DLEU7: variants seen among roughly 807,000 people sequenced by gnomAD.
The protein encoded by DLEU7 is deleted in lymphocytic leukemia 7.
Under a neutral mutation model 16.0 loss-of-function variants are expected in DLEU7, and 17 were observed. The ratio of observed to expected loss-of-function variants is 1.06; its 90% CI spans 0.73 to 1.59. DLEU7 has a LOEUF of 1.59. DLEU7 is among the 40% of genes most tolerant of loss of function. The probability of loss-of-function intolerance (pLI) is 0.00; values close to 1 mark genes in which losing one functional copy is unlikely to be tolerated. For synonymous variants in DLEU7, 113 were observed against 139.8 expected (o/e 0.81, Z 1.35); for missense variants, 308 against 314.9 (o/e 0.98, Z 0.17).
At chr13:50,813,125 T>C (rs952949838) in intron 1 of DLEU7, 4 of 152,152 alleles carry the variant, frequency 2.6e-5, no homozygotes, top group Non-Finnish European at 4.4e-5. Flanking sequence ...TTCTGACTAA[T>C]GCATGGATAC....
intron 1 of DLEU7, among the ~76,000 whole-genome samples, chr13:50,790,661 G>A (rs1436330166): frequency 6.6e-6 from 1 of 152,056 alleles, no homozygotes; most frequent in African/African-American, 2.4e-5. Context: ...CGAGGGGTGT[G>A]GGGTGGGCGG....
chr13:50,730,444 T>C (rs1275142521), intron 1 of DLEU7, among the ~76,000 whole-genome samples: 1 of 152,146 alleles, frequency 6.6e-6, no homozygotes, highest in African/African-American at 2.4e-5. Context: ...TGGTTAAATA[T>C]TTTGAGTAAG....
chr13:50,738,962 T>TAC (rs55722607), intron 1 of DLEU7, among the ~76,000 whole-genome samples: 11,220 of 144,502 alleles, frequency 0.078, 509 homozygotes, highest in East Asian at 0.18. Flanking sequence ...TAAAAAATAA[T>TAC]ACACACACAC....
chr13:50,820,086 C>T (rs1279495887), downstream of DLEU7, among the ~76,000 whole-genome samples: 1 of 152,090 alleles, frequency 6.6e-6, no homozygotes, highest in Non-Finnish European at 1.5e-5. Context: ...TCAGCCGCAT[C>T]AAAAGCTGAT....
At chr13:50,791,443 G>A (rs1413584117) in intron 1 of DLEU7, among the ~76,000 whole-genome samples, 1 of 152,122 alleles carries the variant, frequency 6.6e-6, no homozygotes, top group East Asian at 1.9e-4. Context: ...TGGCCTTCTG[G>A]GTCTGGGGAG....
At chr13:50,766,628 G>T (rs980971063) in intron 1 of DLEU7, among the ~76,000 whole-genome samples, 1 of 151,710 alleles carries the variant, frequency 6.6e-6, no homozygotes, top group Non-Finnish European at 1.5e-5. Flanking sequence ...CTTTATGCTG[G>T]TGACAGGCTC....
At chr13:50,839,274 C>G (rs1406183068) in intron 1 of DLEU7, among the ~76,000 whole-genome samples, 2 of 152,198 alleles carry the variant, frequency 1.3e-5, no homozygotes, top group Non-Finnish European at 2.9e-5. Context: ...CCTCAGTTTC[C>G]TCCTATTATA....
At chr13:50,842,035 C>T (rs565729521) in intron 1 of DLEU7, among the ~76,000 whole-genome samples, 2 of 151,782 alleles carry the variant, frequency 1.3e-5, no homozygotes, top group South Asian at 2.1e-4. Flanking sequence ...CAGGTAGAGG[C>T]GAGAGATGCT....
chr13:50,743,712 A>T (rs1874315835), intron 1 of DLEU7, among the ~76,000 whole-genome samples: 1 of 152,226 alleles, frequency 6.6e-6, no homozygotes, highest in Non-Finnish European at 1.5e-5. Context: ...AGAACAAAGC[A>T]ATAAGCTCAT....
chr13:50,787,859 G>T (rs888058397), intron 1 of DLEU7, among the ~76,000 whole-genome samples: 1 of 152,052 alleles, frequency 6.6e-6, no homozygotes, highest in South Asian at 2.1e-4. Context: ...CCAGCTCAGC[G>T]CCTTCCCTCT....
At chr13:50,784,765 C>T (rs994297658) in intron 1 of DLEU7, among the ~76,000 whole-genome samples, 6 of 152,190 alleles carry the variant, frequency 3.9e-5, no homozygotes, top group Non-Finnish European at 7.3e-5. Flanking sequence ...AGTGATCAAT[C>T]TCCTTCCCTG....
At chr13:50,744,653 A>G (rs1441981088) in intron 1 of DLEU7, among the ~76,000 whole-genome samples, 1 of 152,232 alleles carries the variant, frequency 6.6e-6, no homozygotes. Context: ...TGGAGAAAAT[A>G]TTTACAAATT....
chr13:50,768,164 C>A (rs1875176476), intron 1 of DLEU7, among the ~76,000 whole-genome samples: 1 of 152,108 alleles, frequency 6.6e-6, no homozygotes, highest in South Asian at 2.1e-4. Flanking sequence ...GGTCTGCTGG[C>A]AACAAATACT....
chr13:50,842,226 T>C (rs1877689328), intron 1 of DLEU7, among the ~76,000 whole-genome samples: 1 of 152,224 alleles, frequency 6.6e-6, no homozygotes, highest in African/African-American at 2.4e-5. Flanking sequence ...TGCAACTTAA[T>C]GTATAGCAAC....
rs1875125713 is a variant in DLEU7 at position 50,766,785 on chromosome 13, C to T, written c.460-53545G>A. Among the ~76,000 whole-genome samples the T allele has an allele frequency of 2.0e-5, 3 of 152,246 alleles. No individual in the cohort carries two copies. In the South Asian group the frequency reaches 6.2e-4, roughly 32 times the overall value. On this transcript the variant is annotated intron_variant, in intron 1 of 1. Coordinates refer to the DLEU7 transcript ENST00000400393. Reference sequence around the variant, plus strand: ...GTTTGGAGCATGGCCTAAGACTCGACACACTTGACATCCCACCCCCCACGC... The same window carrying T: ...GTTTGGAGCATGGCCTAAGACTCGATACACTTGACATCCCACCCCCCACGC...
intron 1 of DLEU7, among the ~76,000 whole-genome samples, chr13:50,758,819 T>G (rs1018717270): frequency 6.6e-6 from 1 of 152,238 alleles, no homozygotes; most frequent in African/African-American, 2.4e-5. Context: ...CATAGTCTTT[T>G]TATGACTAAA....
intron 1 of DLEU7, among the ~76,000 whole-genome samples, chr13:50,835,451 C>T (rs1877423907): frequency 6.6e-6 from 1 of 152,200 alleles, no homozygotes; most frequent in African/African-American, 2.4e-5. Flanking sequence ...GCCATCTTCA[C>T]ACTATTTTTC....
intron 1 of DLEU7, among the ~76,000 whole-genome samples, chr13:50,751,360 A>G (rs184436441): frequency 1.0e-3 from 156 of 152,258 alleles, no homozygotes; most frequent in Admixed American, 2.5e-3. Flanking sequence ...TTTAGCATCT[A>G]TGTTCATCAG....
At chr13:50,741,132 T>C (rs1158314232) in intron 1 of DLEU7, among the ~76,000 whole-genome samples, 1 of 152,190 alleles carries the variant, frequency 6.6e-6, no homozygotes, top group Non-Finnish European at 1.5e-5. Flanking sequence ...TTAGGAACAA[T>C]GCTCCAAACA....
Sources: gnomAD v4.1 joint callset for allele counts (sites outside exome capture counted in the v4.1 genomes callset) on GRCh38, gnomAD v4.1.1 for gene constraint, MANE v1.5 for transcripts, NCBI Gene and HGNC (gene_info 2026-07-23, HGNC 2026-07-21) for gene names.